Variants in LMNTD1 observed in about 807,000 individuals in gnomAD.
LMNTD1 encodes the protein lamin tail domain-containing protein 1.
Under a neutral mutation model 50.9 loss-of-function variants are expected in LMNTD1, and 35 were observed. The ratio of observed to expected loss-of-function variants is 0.69; its 90% CI spans 0.53 to 0.91. The LOEUF (loss-of-function observed/expected upper bound fraction) is 0.91, where lower values mean the gene tolerates loss of function less well. Among genes scored for constraint, LMNTD1 ranks in the 40% least tolerant of loss-of-function variants. LMNTD1 has a pLI of 0.00. For missense variants in LMNTD1, 470 were observed against 475.5 expected (o/e 0.99, Z 0.11); for synonymous variants, 153 against 161.9 (o/e 0.94, Z 0.42).
intron 9 of LMNTD1, 61 bp downstream of exon 9, chr12:25,503,677 C>T: frequency 1.2e-6 from 1 of 836,168 alleles, no homozygotes; most frequent in Non-Finnish European, 2.0e-6. Context: ...ACATTTCTGC[C>T]CATTACTTTA....
At chr12:25,498,969 G>A (rs146875810) in intron 9 of LMNTD1, among the ~76,000 whole-genome samples, 1 of 152,258 alleles carries the variant, frequency 6.6e-6, no homozygotes, top group Non-Finnish European at 1.5e-5. Flanking sequence ...TGAAGTAAAG[G>A]TGTTCAGAGT....
chr12:25,590,398 T>C (rs2136467219), intron 1 of LMNTD1, among the ~76,000 whole-genome samples: 1 of 152,310 alleles, frequency 6.6e-6, no homozygotes, highest in African/African-American at 2.4e-5. Flanking sequence ...CAGTCCGAAC[T>C]TGAGTTTCCC....
rs537610743 is a variant in LMNTD1, at chr12:25,568,325, C to T, written c.59-21771G>A. 2.2e-4 allele frequency among the ~76,000 whole-genome samples: 33 copies of T among 152,316 alleles called. 1 individual carries two copies. The highest frequency in any genetic ancestry group is 7.7e-4 in the African/African-American group (32 of 41,576). On this transcript the variant is annotated intron_variant, in intron 1 of 7. Coordinates refer to the LMNTD1 transcript ENST00000445693. ...CTGGCTGCTTCTAACATCCTACTTT[C>T]AGATGTGAAAGCAAAGAAATGACTT...
At chr12:25,608,109 G>A (rs187920441) in intron 1 of LMNTD1, among the ~76,000 whole-genome samples, 35 of 152,070 alleles carry the variant, frequency 2.3e-4, no homozygotes, top group African/African-American at 7.0e-4. Context: ...TGTCTCTTTT[G>A]ATCTTTGTTG....
intron 1 of LMNTD1, among the ~76,000 whole-genome samples, chr12:25,562,440 C>T (rs140510752): frequency 0.025 from 3,862 of 152,290 alleles, 59 homozygotes; most frequent in Middle Eastern, 0.085. Flanking sequence ...AAATTCTTTC[C>T]TTTAAGAATG....
chr12:25,638,301 C>A (rs1946879743), intron 1 of LMNTD1, among the ~76,000 whole-genome samples: 1 of 152,056 alleles, frequency 6.6e-6, no homozygotes, highest in African/African-American at 2.4e-5. Flanking sequence ...CCACTCTCAT[C>A]ACATCTATTC....
intron 1 of LMNTD1, among the ~76,000 whole-genome samples, chr12:25,559,358 C>T (rs1944185660): frequency 6.6e-6 from 1 of 152,146 alleles, no homozygotes; most frequent in Non-Finnish European, 1.5e-5. Flanking sequence ...ATCCACGTCC[C>T]TTCAAAGGAC....
At position 25,549,372 on chromosome 12, in the gene LMNTD1, A is replaced by T. The variant is rs1943621821; in HGVS notation, c.264T>A (p.Thr88=). ...RVTISTTGQL[T]SKATVGSCSR... ...AACAGCTACCTACAGTAGCTTTAGA[A>T]GTCAATTGTCCAGTTGTTGATATAG... Residue 88 remains threonine, a synonymous_variant, in exon 3 of 10, where the codon ACT becomes ACA. Coordinates refer to ENST00000458174, the MANE Select transcript of LMNTD1 (RefSeq NM_001145728.2). The T allele has an allele frequency of 1.2e-6, 2 of 1,612,634 alleles. No individual in the cohort carries two copies. Among genetic ancestry groups the T allele is most frequent in the Admixed American group, 3.3e-5 (2 of 59,914 alleles).
chr12:25,589,683 A>C (rs1390198902), intron 1 of LMNTD1, among the ~76,000 whole-genome samples: 1 of 152,260 alleles, frequency 6.6e-6, no homozygotes, highest in African/African-American at 2.4e-5. Context: ...GCTCCAGACC[A>C]GCCAAATTTC....
At chr12:25,502,052 A>G (rs1939422018) in intron 9 of LMNTD1, among the ~76,000 whole-genome samples, 1 of 152,220 alleles carries the variant, frequency 6.6e-6, no homozygotes, top group Non-Finnish European at 1.5e-5. Context: ...TTAAAAAATC[A>G]AAGCTACCAA....
intron 1 of LMNTD1, among the ~76,000 whole-genome samples, chr12:25,647,920 G>A (rs987439848): frequency 1.3e-5 from 2 of 152,110 alleles, no homozygotes; most frequent in African/African-American, 4.8e-5. Flanking sequence ...AATTATCTGA[G>A]GATGTTTTCT....
At chr12:25,549,663 TC>T in intron 2 of LMNTD1, 117 bp from the exon 3 acceptor site, 1 of 487,380 alleles carries the variant, frequency 2.1e-6, no homozygotes, top group Non-Finnish European at 3.5e-6. Context: ...GTAATATGCA[TC>T]CAACACAAGC....
intron 1 of LMNTD1, among the ~76,000 whole-genome samples, chr12:25,589,862 T>C (rs1945644525): frequency 6.6e-6 from 1 of 152,068 alleles, no homozygotes; most frequent in Non-Finnish European, 1.5e-5. Context: ...AGTATCTGCA[T>C]TCGCAGAAAA....
chr12:25,624,675 T>A (rs1189928948), intron 1 of LMNTD1, among the ~76,000 whole-genome samples: 2 of 152,208 alleles, frequency 1.3e-5, no homozygotes, highest in Non-Finnish European at 2.9e-5. Context: ...ATAAGTTTTA[T>A]AAGTTTCTGA....
intron 1 of LMNTD1, among the ~76,000 whole-genome samples, chr12:25,614,915 C>G (rs1592106431): frequency 6.6e-6 from 1 of 152,162 alleles, no homozygotes; most frequent in Non-Finnish European, 1.5e-5. Flanking sequence ...ACTGTCTTCC[C>G]TCTGTTGATG....
At chr12:25,488,955 G>T (rs1253514838) in intron 9 of LMNTD1, among the ~76,000 whole-genome samples, 1 of 152,206 alleles carries the variant, frequency 6.6e-6, no homozygotes, top group Non-Finnish European at 1.5e-5. Flanking sequence ...TCAGGGGTCA[G>T]GGACCCACTT....
chr12:25,501,963 G>C (rs924665134), intron 9 of LMNTD1, among the ~76,000 whole-genome samples: 8 of 152,168 alleles, frequency 5.3e-5, no homozygotes, highest in African/African-American at 9.7e-5. Context: ...CCACCAGAGG[G>C]GGGTGGGAGC....
At chr12:25,514,289 A>G (rs1252212967) in intron 8 of LMNTD1, among the ~76,000 whole-genome samples, 1 of 152,172 alleles carries the variant, frequency 6.6e-6, no homozygotes, top group Non-Finnish European at 1.5e-5. Flanking sequence ...TGGTGTTGAG[A>G]CAAATGGTTT....
chr12:25,558,057 A>T (rs1944113901), upstream of LMNTD1, among the ~76,000 whole-genome samples: 1 of 152,190 alleles, frequency 6.6e-6, no homozygotes, highest in Non-Finnish European at 1.5e-5. Flanking sequence ...CCTGTTTAAA[A>T]TATGTAAAAA....
Sources: allele counts gnomAD v4.1 joint callset (sites outside exome capture counted in the v4.1 genomes callset), GRCh38; gene constraint gnomAD v4.1.1; transcripts MANE v1.5; gene names NCBI Gene and HGNC (gene_info 2026-07-23, HGNC 2026-07-21).